The following SMAD9 variants were observed in gnomAD, a reference collection of about 807,000 sequenced individuals.
SMAD9 encodes the protein SMAD family member 9.
Under a neutral mutation model 46.1 loss-of-function variants are expected in SMAD9, and 36 were observed. The observed-to-expected ratio is 0.78, with a 90% CI of 0.60 to 1.03. The LOEUF (loss-of-function observed/expected upper bound fraction) is 1.03, where lower values mean the gene tolerates loss of function less well. Among genes scored for constraint, SMAD9 ranks in the 50% least tolerant of loss-of-function variants. SMAD9 has a pLI of 0.00. For missense variants in SMAD9, 572 were observed against 599.8 expected, an observed-to-expected ratio of 0.95 and a Z score of 0.48; for synonymous variants, 245 against 237.1, an observed-to-expected ratio of 1.03 and a Z score of -0.31.
intron 3 of SMAD9, among the ~76,000 whole-genome samples, chr13:36,871,598 C>T (rs1344748763): frequency 6.6e-6 from 1 of 152,214 alleles, no homozygotes; most frequent in African/African-American, 2.4e-5. Context: ...TGAGCAACCA[C>T]TGCATTTCAG....
intron 1 of SMAD9, among the ~76,000 whole-genome samples, chr13:36,918,224 A>C (rs1364805782): frequency 6.6e-6 from 1 of 152,240 alleles, no homozygotes; most frequent in Admixed American, 6.5e-5. Context: ...GATGACAATG[A>C]TGTGGCAATT....
chr13:36,863,664 A>G (rs1003480505), intron 5 of SMAD9, among the ~76,000 whole-genome samples: 11 of 152,060 alleles, frequency 7.2e-5, no homozygotes, highest in African/African-American at 2.7e-4. Flanking sequence ...TTCTCACTCT[A>G]TTAGTTCCTG....
intron 1 of SMAD9, among the ~76,000 whole-genome samples, chr13:36,887,579 G>C (rs550162488): frequency 6.6e-6 from 1 of 152,144 alleles, no homozygotes; most frequent in East Asian, 1.9e-4. Context: ...CAGATCAGAT[G>C]GGGGAGCAAG....
intron 1 of SMAD9, among the ~76,000 whole-genome samples, chr13:36,880,994 G>T (rs1020930166): frequency 1.3e-5 from 2 of 152,080 alleles, no homozygotes; most frequent in Non-Finnish European, 2.9e-5. Flanking sequence ...AAATTTTCAA[G>T]ACCCAAATGC....
At chr13:36,887,931 GT>G (rs936223835) in intron 1 of SMAD9, among the ~76,000 whole-genome samples, 1 of 152,110 alleles carries the variant, frequency 6.6e-6, no homozygotes, top group African/African-American at 2.4e-5. Context: ...CAAGGAAAAG[GT>G]AGGAAGTAGC....
intron 1 of SMAD9, among the ~76,000 whole-genome samples, chr13:36,882,238 TG>T (rs2058409700): frequency 6.8e-6 from 1 of 147,024 alleles, no homozygotes; most frequent in Non-Finnish European, 1.5e-5. Context: ...TGTGTGTGTG[TG>T]TGTGTGTGTG....
At chr13:36,897,786 A>C (rs2058540639) in intron 1 of SMAD9, among the ~76,000 whole-genome samples, 1 of 151,826 alleles carries the variant, frequency 6.6e-6, no homozygotes, top group Non-Finnish European at 1.5e-5. Context: ...CATGACTTAC[A>C]AGGAGCTATT....
At position 36,867,609 on chromosome 13, in the gene SMAD9, TC is replaced by T. The variant is rs2058248206; in HGVS notation, c.671-227del. Among the ~76,000 whole-genome samples, 9 of 152,318 alleles carry T rather than the reference TC, an allele frequency of 5.9e-5. No homozygotes were observed. In the South Asian group the frequency reaches 1.9e-3, roughly 32 times the overall value. ...CAGTAAAGGGTCAATTCATTTTCCC[TC>T]CGACTTTTGAGTTATCATTGAGTTC... On this transcript the variant is annotated intron_variant, in intron 3 of 6. Transcript: ENST00000379826.
At chr13:36,848,943 G>C (rs1047690141) in intron 6 of SMAD9, 124 bp from the exon 7 acceptor site, 2 of 842,272 alleles carry the variant, frequency 2.4e-6, no homozygotes, top group African/African-American at 3.4e-5. Flanking sequence ...CTGAGAGGGA[G>C]AGAACATGGC....
At chr13:36,919,325 G>A (rs535880676) in intron 1 of SMAD9, among the ~76,000 whole-genome samples, 3 of 152,282 alleles carry the variant, frequency 2.0e-5, no homozygotes, top group East Asian at 3.9e-4. Flanking sequence ...GCAGTCTCCT[G>A]TATCTGCTTC....
chr13:36,874,749 TG>T (rs530889221), intron 2 of SMAD9, among the ~76,000 whole-genome samples: 2 of 146,160 alleles, frequency 1.4e-5, no homozygotes, highest in Non-Finnish European at 3.0e-5. Context: ...CCCAGCTACT[TG>T]GGGGGGCTGA....
chr13:36,870,505 C>T lies in SMAD9; in HGVS notation c.670+2153G>A, dbSNP rs141255038. 7.0e-4 allele frequency among the ~76,000 whole-genome samples: 107 copies of T among 152,200 alleles called. 2 individuals are homozygous for T. In the East Asian group the frequency reaches 0.019, roughly 28 times the overall value. On this transcript the variant is annotated intron_variant, in intron 3 of 6. Coordinates refer to ENST00000379826, the MANE Select transcript of SMAD9 (RefSeq NM_001127217.3). The stretch of plus-strand genomic sequence containing the variant: ...CAATTCACTGCCCTCTTTCCAACCC[C>T]ATATCCCTGTTTTAGTTCAACTCCT...
chr13:36,856,962 C>T (rs561917653), intron 5 of SMAD9, among the ~76,000 whole-genome samples: 8 of 152,132 alleles, frequency 5.3e-5, no homozygotes. Context: ...GCCACCACAC[C>T]TGGCTAATTT....
upstream of SMAD9, among the ~76,000 whole-genome samples, chr13:36,920,473 C>A (rs567231495): frequency 2.6e-4 from 40 of 151,882 alleles, no homozygotes; most frequent in Non-Finnish European, 4.9e-4. Flanking sequence ...CGGCCTGCGG[C>A]TCGGTTCCCG....
In SMAD9 at chr13:36,848,655, A is replaced by C; in HGVS notation, c.*21T>G. 6.2e-7 allele frequency: 1 copy of C among 1,613,184 alleles called. No homozygotes were observed. The highest frequency in any genetic ancestry group is 1.1e-5 in the South Asian group (1 of 91,068). ...CTGCAATAGCCTCTATCCTATGGAA[A>C]TGCAGCTTAAGACATGACTGTTAAG... is the stretch of plus-strand genomic sequence containing the variant. On this transcript the variant is annotated 3_prime_UTR_variant, in exon 7 of 7. Coordinates refer to ENST00000379826, the MANE Select transcript of SMAD9 (RefSeq NM_001127217.3).
Position 36,879,560 on chromosome 13 carries a change from T to G in SMAD9, c.130A>C (p.Lys44Gln). The change falls in exon 2 of 7, where the codon AAG (lysine) becomes CAG (glutamine). Residue 44 changes from lysine to glutamine, a missense_variant. Lys to Gln is a moderately conservative substitution (Grantham distance 53). Transcript: ENST00000379826. ...ATGGCTCCCTTCTTCTTCTTTAACT[T>G]CTTCACTAGAGAGTCCACTGCCTTC... is the stretch of plus-strand genomic sequence containing the variant. Reference protein sequence around the residue: ...AEKAVDSLVKKLKKKKGAMDE... With the variant: ...AEKAVDSLVKQLKKKKGAMDE... The G allele has an allele frequency of 6.2e-7, 1 of 1,614,190 alleles. No individual in the cohort carries two copies. The highest frequency in any genetic ancestry group is 8.5e-7 in the Non-Finnish European group (1 of 1,180,032).
At chr13:36,849,813 T>C (rs936325529) in intron 6 of SMAD9, 1 of 152,192 alleles carries the variant, frequency 6.6e-6, no homozygotes, top group African/African-American at 2.4e-5. Context: ...GGTCCACCCA[T>C]TAATGCACTC....
At position 36,867,352 on chromosome 13, in the gene SMAD9, T is replaced by C; in HGVS notation, c.702A>G (p.Thr234=). 3 of 1,551,146 alleles carry C rather than the reference T, an allele frequency of 1.9e-6. No individual in the cohort carries two copies. Among genetic ancestry groups the C allele is most frequent in the Non-Finnish European group, 2.6e-6 (3 of 1,146,698 alleles). Residue 234 remains threonine (T), a synonymous_variant, in exon 4 of 7, where the codon ACA becomes ACG. Transcript: ENST00000379826. ...VDTPPLPYHA[T]EASETQSGQP... is the part of the protein sequence containing the mutation. ...GGCCACTCTGGGTCTCAGAGGCTTC[T>C]GTGGCATGATAAGGCAGGGGTGGTG...
chr13:36,903,217 C>G (rs1316248464), intron 1 of SMAD9, among the ~76,000 whole-genome samples: 1 of 151,170 alleles, frequency 6.6e-6, no homozygotes, highest in Non-Finnish European at 1.5e-5. Flanking sequence ...ACCTCCTCCT[C>G]CCGGATTCAA....
Sources: gnomAD v4.1 joint callset for allele counts (sites outside exome capture counted in the v4.1 genomes callset) on GRCh38, gnomAD v4.1.1 for gene constraint, MANE v1.5 for transcripts, NCBI Gene and HGNC (gene_info 2026-07-23, HGNC 2026-07-21) for gene names.